Variants in PRDM5 observed in about 807,000 individuals in gnomAD.
The protein encoded by PRDM5 is PR domain zinc finger protein 5.
A neutral mutation model predicts 81.2 loss-of-function variants in PRDM5; 56 were observed. The ratio of observed to expected loss-of-function variants is 0.69; its 90% CI spans 0.56 to 0.86. PRDM5 has a LOEUF of 0.86. Among genes scored for constraint, PRDM5 ranks in the 40% least tolerant of loss-of-function variants. The pLI, the probability that PRDM5 is intolerant of heterozygous loss-of-function variation, is 0.00. For synonymous variants in PRDM5, 267 were observed against 256.4 expected (o/e 1.04, Z -0.39); for missense variants, 697 against 770.1 (o/e 0.91, Z 1.12).
At chr4:120,791,877 C>T (rs9992625) in intron 10 of PRDM5, among the ~76,000 whole-genome samples, 7,948 of 152,246 alleles carry the variant, frequency 0.052, 327 homozygotes, top group African/African-American at 0.12. Context: ...GCTTGCACTC[C>T]CTCTTTCTCC....
intron 2 of PRDM5, among the ~76,000 whole-genome samples, chr4:120,857,386 G>GTA (rs1252707669): frequency 2.2e-4 from 33 of 152,168 alleles, no homozygotes; most frequent in African/African-American, 7.9e-4. Context: ...AAGTAGGAAA[G>GTA]GGAAAGATAC....
chr4:120,761,991 T>C (rs1201454930), intron 13 of PRDM5, among the ~76,000 whole-genome samples: 2 of 152,186 alleles, frequency 1.3e-5, no homozygotes, highest in Non-Finnish European at 2.9e-5. Context: ...ATGTGCCCTA[T>C]GCTTTGAACA....
chr4:120,695,911 C>G (rs1004047456), intron 15 of PRDM5, among the ~76,000 whole-genome samples: 1 of 151,984 alleles, frequency 6.6e-6, no homozygotes, highest in African/African-American at 2.4e-5. Context: ...TCTTCAAAAT[C>G]ATATCCGTTG....
chr4:120,844,922 C>T (rs555285370), intron 3 of PRDM5, among the ~76,000 whole-genome samples: 85 of 152,314 alleles, frequency 5.6e-4, no homozygotes, highest in African/African-American at 2.0e-3. Flanking sequence ...GAAAGTGAAA[C>T]AATCTTATTG....
At chr4:120,889,218 C>G (rs1322459722) in intron 2 of PRDM5, among the ~76,000 whole-genome samples, 1 of 152,078 alleles carries the variant, frequency 6.6e-6, no homozygotes, top group African/African-American at 2.4e-5. Context: ...TTTACATTTA[C>G]AATAATATTA....
chr4:120,876,134 C>T (rs1762309734), intron 2 of PRDM5, among the ~76,000 whole-genome samples: 2 of 152,136 alleles, frequency 1.3e-5, no homozygotes, highest in Non-Finnish European at 2.9e-5. Context: ...GAGAAATGCA[C>T]AAAACACTCA....
At chr4:120,847,196 T>C (rs1036405922) in intron 3 of PRDM5, among the ~76,000 whole-genome samples, 40 of 152,274 alleles carry the variant, frequency 2.6e-4, no homozygotes, top group African/African-American at 9.1e-4. Flanking sequence ...GACCATCATG[T>C]AGTCCCTTCC....
chr4:120,719,430 C>T (rs1257808187), intron 14 of PRDM5, among the ~76,000 whole-genome samples: 12 of 152,182 alleles, frequency 7.9e-5, no homozygotes, highest in Middle Eastern at 3.2e-3. Flanking sequence ...CACTTCTTCA[C>T]GGTTTCTTTA....
At chr4:120,717,609 T>A (rs975037550) in intron 14 of PRDM5, among the ~76,000 whole-genome samples, 1 of 152,188 alleles carries the variant, frequency 6.6e-6, no homozygotes, top group Non-Finnish European at 1.5e-5. Flanking sequence ...TCTTTAGAAA[T>A]AGAAATTGAT....
At chr4:120,717,416 T>A (rs1265661340) in intron 14 of PRDM5, among the ~76,000 whole-genome samples, 1 of 152,200 alleles carries the variant, frequency 6.6e-6, no homozygotes, top group Non-Finnish European at 1.5e-5. Flanking sequence ...CACCTTGTAA[T>A]CTAGGTAATA....
At chr4:120,871,113 C>T (rs1481590913) in intron 2 of PRDM5, among the ~76,000 whole-genome samples, 1 of 152,218 alleles carries the variant, frequency 6.6e-6, no homozygotes, top group Non-Finnish European at 1.5e-5. Flanking sequence ...CAGCAGGTTT[C>T]ACAGTTGTAC....
chr4:120,747,378 T>C (rs564298116), intron 14 of PRDM5, among the ~76,000 whole-genome samples: 109 of 151,948 alleles, frequency 7.2e-4, no homozygotes, highest in African/African-American at 2.6e-3. Flanking sequence ...GGCACATGTA[T>C]ACATATGTAA....
At chr4:120,837,165 T>A (rs1458678995) in intron 3 of PRDM5, among the ~76,000 whole-genome samples, 5 of 152,202 alleles carry the variant, frequency 3.3e-5, no homozygotes, top group African/African-American at 4.8e-5. Context: ...ATTATAAGGC[T>A]AGTGATACTG....
At chr4:120,689,789 A>G (rs1374888586), downstream of PRDM5, among the ~76,000 whole-genome samples, 3 of 151,718 alleles carry the variant, frequency 2.0e-5, no homozygotes, top group Non-Finnish European at 4.4e-5. Context: ...TAATTTTTGT[A>G]TTTTTGGTAG....
chr4:120,919,945 T>G (rs191776943), intron 1 of PRDM5, among the ~76,000 whole-genome samples: 1 of 152,268 alleles, frequency 6.6e-6, no homozygotes, highest in African/African-American at 2.4e-5. Context: ...CTATACAGAT[T>G]TTTATACTGG....
intron 14 of PRDM5, among the ~76,000 whole-genome samples, chr4:120,744,403 T>C (rs1267276932): frequency 6.6e-6 from 1 of 152,028 alleles, no homozygotes; most frequent in African/African-American, 2.4e-5. Context: ...ACTCAAAAGC[T>C]AGCAGGAGGC....
chr4:120,920,386 G>C (rs1258315467), intron 1 of PRDM5, among the ~76,000 whole-genome samples: 1 of 152,178 alleles, frequency 6.6e-6, no homozygotes, highest in African/African-American at 2.4e-5. Context: ...TTTAAGTAAG[G>C]TTCTTAATGT....
intron 13 of PRDM5, chr4:120,762,822 G>A (rs901308595): frequency 6.6e-6 from 1 of 152,114 alleles, no homozygotes; most frequent in Non-Finnish European, 1.5e-5. Context: ...ATCAAATTCT[G>A]AGGAATCTCA....
chr4:120,798,626 T>G lies in PRDM5; in HGVS notation c.1031-202A>C, dbSNP rs17415097. On this transcript the variant is annotated intron_variant, in intron 9 of 15. Transcript: ENST00000264808. Reference sequence around the variant, plus strand: ...ATATGAGCTTGTTCTCTTACAGACGTATTTTGAATTTTTAAAGTAGCTTAG... The same window carrying G: ...ATATGAGCTTGTTCTCTTACAGACGGATTTTGAATTTTTAAAGTAGCTTAG... Among the ~76,000 whole-genome samples the G allele has an allele frequency of 0.096, 14,655 of 152,246 alleles. 907 individuals are homozygous for G. Among genetic ancestry groups the G allele is most frequent in the South Asian group, 0.2 (988 of 4,828 alleles).
Sources: allele counts gnomAD v4.1 joint callset (sites outside exome capture counted in the v4.1 genomes callset), GRCh38; gene constraint gnomAD v4.1.1; transcripts MANE v1.5; gene names NCBI Gene and HGNC (gene_info 2026-07-23, HGNC 2026-07-21).